Variants in SH3BP5 observed in about 807,000 individuals in gnomAD.
SH3BP5 encodes SH3 domain binding protein 5, also known as SH3 domain-binding protein 5.
SH3BP5 carries 22 observed loss-of-function variants against 43.3 expected under a neutral mutation model. The ratio of observed to expected loss-of-function variants is 0.51; its 90% confidence interval spans 0.36 to 0.73. The LOEUF (loss-of-function observed/expected upper bound fraction) is 0.73. Among genes scored for constraint, SH3BP5 ranks in the 30% least tolerant of loss-of-function variants. The pLI is 0.00. For missense variants in SH3BP5, 529 were observed against 586.9 expected (o/e 0.90, Z 1.02); for synonymous variants, 255 against 225.8 (o/e 1.13, Z -1.16).
chr3:15,266,994 C>T lies in SH3BP5; in HGVS notation c.495+2719G>A, dbSNP rs754578883. ...AGACAGCCCTGGGCCTTTCTGAGCA[C>T]GGAATTTTCTTTTATTAGACCCTTA... On this transcript the variant is annotated intron_variant, in intron 4 of 8. Transcript: ENST00000383791. Among the ~76,000 whole-genome samples, 64 of 152,326 alleles carry T rather than the reference C, an allele frequency of 4.2e-4. 2 individuals are homozygous for T. Among genetic ancestry groups the T allele is most frequent in the South Asian group, 2.1e-4 (1 of 4,824 alleles).
chr3:15,290,766 C>CA (rs1697390654), intron 3 of SH3BP5, among the ~76,000 whole-genome samples: 1 of 152,148 alleles, frequency 6.6e-6, no homozygotes, highest in African/African-American at 2.4e-5. Flanking sequence ...CAGAGCCCAT[C>CA]ATTGCCTTAA....
At chr3:15,269,295 C>T (rs79913538) in intron 4 of SH3BP5, among the ~76,000 whole-genome samples, 7,625 of 152,160 alleles carry the variant, frequency 0.05, 627 homozygotes, top group African/African-American at 0.17. Context: ...TGCCTTCCTC[C>T]GACAGCACAT....
intron 2 of SH3BP5, among the ~76,000 whole-genome samples, chr3:15,329,983 C>A (rs1436517131): frequency 6.6e-6 from 1 of 152,182 alleles, no homozygotes; most frequent in Non-Finnish European, 1.5e-5. Context: ...CTTTTTGTTA[C>A]CATTATAATT....
intron 1 of SH3BP5, among the ~76,000 whole-genome samples, chr3:15,339,348 T>C (rs1698737131): frequency 6.6e-6 from 1 of 152,160 alleles, no homozygotes; most frequent in African/African-American, 2.4e-5. Context: ...TCAGTGTATA[T>C]CTGTAGTCTT....
intron 3 of SH3BP5, among the ~76,000 whole-genome samples, chr3:15,292,149 G>C: frequency 6.6e-6 from 1 of 152,176 alleles, no homozygotes; most frequent in East Asian, 1.9e-4. Context: ...AGAGGGGAAG[G>C]GGCTATCCAT....
intron 2 of SH3BP5, among the ~76,000 whole-genome samples, chr3:15,327,241 A>G (rs930486987): frequency 6.6e-6 from 1 of 151,880 alleles, no homozygotes; most frequent in African/African-American, 2.4e-5. Flanking sequence ...CTCTACTAAA[A>G]ATACAAAAAT....
intron 3 of SH3BP5, among the ~76,000 whole-genome samples, chr3:15,291,005 T>C (rs1037510510): frequency 7.9e-5 from 12 of 152,116 alleles, no homozygotes; most frequent in African/African-American, 2.9e-4. Flanking sequence ...ACCCAGTTGA[T>C]GTGGCCTCCC....
intron 3 of SH3BP5, among the ~76,000 whole-genome samples, chr3:15,276,623 T>C (rs2125074481): frequency 6.6e-6 from 1 of 152,242 alleles, no homozygotes; most frequent in East Asian, 1.9e-4. Context: ...CGGGTCCAGC[T>C]GACAGGCCCG....
chr3:15,292,780 G>A (rs1298744913), intron 3 of SH3BP5, among the ~76,000 whole-genome samples: 3 of 151,412 alleles, frequency 2.0e-5, no homozygotes, highest in East Asian at 1.9e-4. Flanking sequence ...TCCGGGAGGC[G>A]GAGGTTGTGG....
chr3:15,307,861 G>A (rs762967264), intron 2 of SH3BP5, among the ~76,000 whole-genome samples: 1 of 152,238 alleles, frequency 6.6e-6, no homozygotes, highest in Non-Finnish European at 1.5e-5. Context: ...GTTAGCGTGT[G>A]GCCTACAGCC....
At chr3:15,338,679 G>A (rs1327037788) in intron 1 of SH3BP5, among the ~76,000 whole-genome samples, 1 of 151,626 alleles carries the variant, frequency 6.6e-6, no homozygotes, top group African/African-American at 2.4e-5. Context: ...GCATGGGTGC[G>A]CAGCCACCAC....
At chr3:15,323,781 G>C (rs1407466659) in intron 2 of SH3BP5, among the ~76,000 whole-genome samples, 2 of 152,190 alleles carry the variant, frequency 1.3e-5, no homozygotes, top group Non-Finnish European at 2.9e-5. Context: ...TTGAGGCACA[G>C]AAATTACATA....
chr3:15,288,626 A>G (rs1372483852), intron 3 of SH3BP5, among the ~76,000 whole-genome samples: 1 of 152,192 alleles, frequency 6.6e-6, no homozygotes, highest in Non-Finnish European at 1.5e-5. Flanking sequence ...ACATGGTGGT[A>G]TGCACCTGTA....
At chr3:15,328,151 C>T (rs1559461587) in intron 2 of SH3BP5, among the ~76,000 whole-genome samples, 2 of 152,162 alleles carry the variant, frequency 1.3e-5, no homozygotes, top group African/African-American at 2.4e-5. Context: ...ACCCCCCTCA[C>T]ACCCTCCAGT....
intron 3 of SH3BP5, among the ~76,000 whole-genome samples, chr3:15,280,270 C>T (rs572883966): frequency 8.5e-5 from 13 of 152,272 alleles, no homozygotes; most frequent in African/African-American, 3.1e-4. Flanking sequence ...TCCTCCTCAT[C>T]CTCCTCCCGC....
chr3:15,262,250 C>G lies in SH3BP5; in HGVS notation c.535G>C (p.Val179Leu). The change falls in exon 5 of 9, where the codon GTG (valine) becomes CTG (leucine). Residue 179 changes from valine to leucine, a missense_variant. Physicochemically the swap from Val to Leu is conservative, Grantham distance 32. This residue lies in a region of SH3BP5 where 369 missense variants were observed against 384.3 expected (regional missense o/e 0.96). Coordinates refer to ENST00000383791, the MANE Select transcript of SH3BP5 (RefSeq NM_004844.5). ...TACCTGGCTGCCGTCTCCTTATGCACCAGCTCGCTCCTGGTCTTGGTCTGC... is the reference window on the plus strand; with the variant it reads ...TACCTGGCTGCCGTCTCCTTATGCAGCAGCTCGCTCCTGGTCTTGGTCTGC... ...AEQTKTRSEL[V>L]HKETAARYNA... 1 of 1,614,178 alleles carries G rather than the reference C, an allele frequency of 6.2e-7. No homozygotes were observed. The highest frequency in any genetic ancestry group is 8.5e-7 in the Non-Finnish European group (1 of 1,180,036).
intron 2 of SH3BP5, among the ~76,000 whole-genome samples, chr3:15,326,754 T>C (rs1698473085): frequency 6.6e-6 from 1 of 150,970 alleles, no homozygotes; most frequent in Admixed American, 6.6e-5. Flanking sequence ...ACTTTTGTGC[T>C]TTCTTTGGTG....
chr3:15,320,575 G>T (rs1180122318), intron 2 of SH3BP5, among the ~76,000 whole-genome samples: 1 of 130,544 alleles, frequency 7.7e-6, no homozygotes, highest in Admixed American at 8.2e-5. Context: ...AAAGGATGAG[G>T]TTCAATAGAG....
intron 3 of SH3BP5, among the ~76,000 whole-genome samples, chr3:15,301,985 T>C (rs1378390649): frequency 6.6e-6 from 1 of 152,096 alleles, no homozygotes; most frequent in East Asian, 1.9e-4. Flanking sequence ...TAGATACGCG[T>C]GGGCTAAATG....
Sources: allele counts gnomAD v4.1 joint callset (sites outside exome capture counted in the v4.1 genomes callset), GRCh38; gene constraint gnomAD v4.1.1; regional missense constraint gnomAD v4.1.1; transcripts MANE v1.5; gene names NCBI Gene and HGNC (gene_info 2026-07-23, HGNC 2026-07-21).